CUX1: variants seen among roughly 807,000 people sequenced by gnomAD.
The protein encoded by CUX1 is protein CASP.
CUX1 carries 31 observed loss-of-function variants against 158.8 expected under a neutral mutation model. The ratio of observed to expected loss-of-function variants is 0.20; its 90% CI spans 0.15 to 0.26. The LOEUF is 0.26. CUX1 is among the 10% of genes least tolerant of loss of function. The pLI is 1.00. For synonymous variants in CUX1, 879 were observed against 862.1 expected, an observed-to-expected ratio of 1.02 and a Z score of -0.34; for missense variants, 1,589 against 2,014.6, an observed-to-expected ratio of 0.79 and a Z score of 4.04.
chr7:101,867,251 G>A (rs1798027038), intron 1 of CUX1, among the ~76,000 whole-genome samples: 1 of 152,128 alleles, frequency 6.6e-6, no homozygotes, highest in South Asian at 2.1e-4. Context: ...AGAGAGAAAA[G>A]CAAATTACCT....
intron 1 of CUX1, among the ~76,000 whole-genome samples, chr7:101,910,534 T>A (rs1803302376): frequency 6.6e-6 from 1 of 151,936 alleles, no homozygotes; most frequent in African/African-American, 2.4e-5. Context: ...GGCGGGCAGA[T>A]CGCTTGAGGC....
At chr7:102,069,126 A>G (rs1825859022) in intron 3 of CUX1, among the ~76,000 whole-genome samples, 1 of 152,006 alleles carries the variant, frequency 6.6e-6, no homozygotes, top group Non-Finnish European at 1.5e-5. Context: ...CGACACCCAC[A>G]ACCACTGCCC....
chr7:101,962,120 T>G (rs1040443944), intron 2 of CUX1, among the ~76,000 whole-genome samples: 1 of 152,202 alleles, frequency 6.6e-6, no homozygotes, highest in Non-Finnish European at 1.5e-5. Context: ...CCTTCTGTGA[T>G]CAGAAAAATA....
intron 3 of CUX1, among the ~76,000 whole-genome samples, chr7:102,069,451 TAAAAC>T (rs956505844): frequency 6.6e-6 from 1 of 152,146 alleles, no homozygotes; most frequent in African/African-American, 2.4e-5. Context: ...ATGAGTGTCT[TAAAAC>T]AGAACACATA....
intron 2 of CUX1, among the ~76,000 whole-genome samples, chr7:101,974,268 A>T (rs1477909259): frequency 6.6e-6 from 1 of 152,162 alleles, no homozygotes; most frequent in Non-Finnish European, 1.5e-5. Context: ...CTGAGGCCAC[A>T]GAGCCGAAAA....
intron 11 of CUX1, 143 bp downstream of exon 11, chr7:102,178,800 G>A: frequency 3.6e-6 from 3 of 831,904 alleles, no homozygotes; most frequent in East Asian, 5.4e-5. Context: ...ACCAAGCAGA[G>A]TCCCGGAGTC....
intron 20 of CUX1, among the ~76,000 whole-genome samples, chr7:102,225,482 T>C (rs1051635422): frequency 6.6e-6 from 1 of 152,216 alleles, no homozygotes; most frequent in Non-Finnish European, 1.5e-5. Flanking sequence ...CATTTTCTTT[T>C]CAGCCAGGTA....
At chr7:101,912,484 G>A (rs1803609966) in intron 1 of CUX1, among the ~76,000 whole-genome samples, 1 of 152,050 alleles carries the variant, frequency 6.6e-6, no homozygotes, top group Non-Finnish European at 1.5e-5. Context: ...ACATTTAGCA[G>A]GATTGTAAAA....
chr7:101,911,126 C>T (rs915732711), intron 1 of CUX1, among the ~76,000 whole-genome samples: 5 of 152,302 alleles, frequency 3.3e-5, no homozygotes, highest in Admixed American at 6.5e-5. Flanking sequence ...GCAGCCAGGC[C>T]GACTTGGTGA....
intron 2 of CUX1, among the ~76,000 whole-genome samples, chr7:101,959,771 C>T (rs1159940597): frequency 1.3e-5 from 2 of 152,026 alleles, no homozygotes; most frequent in Admixed American, 1.3e-4. Context: ...TTTCCACTGC[C>T]TAATTAATGG....
intron 1 of CUX1, among the ~76,000 whole-genome samples, chr7:101,853,833 C>G (rs35353051): frequency 0.077 from 11,697 of 152,170 alleles, 954 homozygotes; most frequent in East Asian, 0.44. Context: ...GGGGCATGTG[C>G]TGGGATATTC....
intron 18 of CUX1, among the ~76,000 whole-genome samples, chr7:102,279,637 C>T (rs1473645720): frequency 6.6e-6 from 1 of 152,178 alleles, no homozygotes; most frequent in Non-Finnish European, 1.5e-5. Flanking sequence ...CCTTGGCCAC[C>T]AGAGGGCACT....
intron 3 of CUX1, 123 bp downstream of exon 3, chr7:102,028,268 C>G (rs534493504): frequency 3.1e-6 from 3 of 957,188 alleles, no homozygotes; most frequent in Non-Finnish European, 4.8e-6. Flanking sequence ...CCGGCTGCTC[C>G]GACCCAGCGT....
intron 20 of CUX1, among the ~76,000 whole-genome samples, chr7:102,226,562 AACCTAGGTC>A (rs1554528646): frequency 6.6e-6 from 1 of 152,164 alleles, no homozygotes; most frequent in African/African-American, 2.4e-5. Flanking sequence ...AAAATAAACC[AACCTAGGTC>A]CTGAGACCCA....
intron 1 of CUX1, among the ~76,000 whole-genome samples, chr7:101,899,530 C>A (rs1420367899): frequency 2.0e-5 from 3 of 152,094 alleles, no homozygotes; most frequent in African/African-American, 4.8e-5. Context: ...GCACTCCAGT[C>A]TGAGTGATTC....
At chr7:101,818,996 C>T (rs1050465312) in intron 1 of CUX1, 2 of 152,258 alleles carry the variant, frequency 1.3e-5, no homozygotes, top group Non-Finnish European at 2.9e-5. Flanking sequence ...TTGGGCCGTT[C>T]CGCAGTTCTG....
chr7:101,848,570 T>C (rs564042718), intron 1 of CUX1, among the ~76,000 whole-genome samples: 4 of 152,248 alleles, frequency 2.6e-5, no homozygotes, highest in Admixed American at 2.0e-4. Context: ...CCCCCTTGTA[T>C]TTTCCCAGCC....
At chr7:101,826,099 C>A (rs536853557) in intron 1 of CUX1, among the ~76,000 whole-genome samples, 2 of 152,308 alleles carry the variant, frequency 1.3e-5, no homozygotes, top group East Asian at 3.9e-4. Flanking sequence ...CCTTTTCCAT[C>A]CCAGCTAGAA....
chr7:101,991,138 C>T (rs777995271), intron 2 of CUX1, among the ~76,000 whole-genome samples: 18 of 152,130 alleles, frequency 1.2e-4, no homozygotes, highest in Non-Finnish European at 2.2e-4. Context: ...ACGCTTCCCC[C>T]GGGTGGCTTA....
Sources: allele counts gnomAD v4.1 joint callset (sites outside exome capture counted in the v4.1 genomes callset), GRCh38; gene constraint gnomAD v4.1.1; transcripts MANE v1.5; gene names NCBI Gene and HGNC (gene_info 2026-07-23, HGNC 2026-07-21).